DRICH1: variants seen among roughly 807,000 people sequenced by gnomAD.
DRICH1 encodes the protein aspartate rich 1.
Under a neutral mutation model 39.5 loss-of-function variants are expected in DRICH1, and 38 were observed. That is an observed-to-expected ratio of 0.96 (90% CI 0.74 to 1.26). The LOEUF (loss-of-function observed/expected upper bound fraction) is 1.26, where lower values mean the gene tolerates loss of function less well. Ranked by LOEUF, DRICH1 falls within the 50% of genes most tolerant of loss-of-function variation. The pLI is 0.00. For missense variants in DRICH1, 279 were observed against 270.4 expected (o/e 1.03, Z -0.22); for synonymous variants, 84 against 99.5 (o/e 0.84, Z 0.93).
At chr22:23,631,415 A>AAAATAAATAAAT (rs144088461) in intron 1 of DRICH1, among the ~76,000 whole-genome samples, 2 of 149,022 alleles carry the variant, frequency 1.3e-5, no homozygotes, top group Admixed American at 6.7e-5. Context: ...GACTCCATCT[A>AAAATAAATAAAT]AAATAAATAA....
chr22:23,613,556 A>G, intron 10 of DRICH1, 83 bp downstream of exon 10: 1 of 1,131,702 alleles, frequency 8.8e-7, no homozygotes, highest in Non-Finnish European at 1.3e-6. Context: ...CCTCTTTCCC[A>G]GCAGGACCCC....
chr22:23,626,112 C>A, intron 1 of DRICH1, 64 bp from the exon 2 acceptor site: 2 of 1,159,072 alleles, frequency 1.7e-6, no homozygotes, highest in African/African-American at 3.0e-5. Flanking sequence ...CCTCAGGGAG[C>A]TTTGCTGGAT....
intron 1 of DRICH1, among the ~76,000 whole-genome samples, chr22:23,629,454 G>A (rs1360027574): frequency 6.6e-6 from 1 of 152,312 alleles, no homozygotes; most frequent in East Asian, 1.9e-4. Context: ...ATGGGGATCA[G>A]TACATGGGGA....
At chr22:23,627,565 A>G (rs1416315765) in intron 1 of DRICH1, among the ~76,000 whole-genome samples, 3 of 152,040 alleles carry the variant, frequency 2.0e-5, no homozygotes, top group African/African-American at 4.8e-5. Context: ...GGGCATCTAC[A>G]CAAGGGCCAG....
the DRICH1 span, among the ~76,000 whole-genome samples, chr22:23,596,078 A>T: frequency 6.6e-6 from 1 of 152,196 alleles, no homozygotes; most frequent in Non-Finnish European, 1.5e-5. Flanking sequence ...TCCCTTCATT[A>T]TCACATTACG....
intron 3 of DRICH1, 72 bp from the exon 4 acceptor site, chr22:23,622,248 G>C: frequency 7.3e-7 from 1 of 1,374,046 alleles, no homozygotes; most frequent in Non-Finnish European, 1.0e-6. Context: ...AGCTTTGCTG[G>C]ATGTGGTGTA....
chr22:23,600,975 A>G, the DRICH1 span, among the ~76,000 whole-genome samples: 1 of 152,130 alleles, frequency 6.6e-6, no homozygotes. Context: ...CCTGGCCGGC[A>G]ATTTCTAATA....
At chr22:23,585,762 C>T in the DRICH1 span, among the ~76,000 whole-genome samples, 1 of 152,182 alleles carries the variant, frequency 6.6e-6, no homozygotes, top group South Asian at 2.1e-4. Flanking sequence ...TCAAATGATC[C>T]TCTCGCTTTG....
chr22:23,598,245 G>A, the DRICH1 span, among the ~76,000 whole-genome samples: 2 of 150,700 alleles, frequency 1.3e-5, no homozygotes, highest in East Asian at 1.9e-4. Context: ...TGACCAGAGT[G>A]AAGGCTGGGC....
chr22:23,629,944 G>A (rs1170607835), intron 1 of DRICH1, among the ~76,000 whole-genome samples: 3 of 152,102 alleles, frequency 2.0e-5, no homozygotes, highest in African/African-American at 7.2e-5. Flanking sequence ...TAAGGCTTGA[G>A]GTACTCATGT....
At chr22:23,589,116 AC>A in the DRICH1 span, among the ~76,000 whole-genome samples, 16 of 151,056 alleles carry the variant, frequency 1.1e-4, no homozygotes, top group South Asian at 3.3e-3. Flanking sequence ...ACACACACAC[AC>A]ACACACACAC....
chr22:23,619,315 A>G (rs374819042), intron 6 of DRICH1, 49 bp downstream of exon 6: 24 of 778,802 alleles, frequency 3.1e-5, no homozygotes, highest in Non-Finnish European at 5.8e-5. Flanking sequence ...GGATAGGAAG[A>G]CTCAGCATGA....
chr22:23,624,263 C>T, intron 3 of DRICH1: 2 of 985,384 alleles, frequency 2.0e-6, no homozygotes, highest in South Asian at 4.7e-5. Flanking sequence ...TCCCAAACCA[C>T]AGGCTCTGAG....
chr22:23,604,743 G>A (rs115740949), downstream of DRICH1, among the ~76,000 whole-genome samples: 3,486 of 152,298 alleles, frequency 0.023, 140 homozygotes, highest in African/African-American at 0.078. Flanking sequence ...GGGAAACTGA[G>A]GCTGCAGAGG....
At chr22:23,614,261 C>CT (rs750705049) in intron 8 of DRICH1, 47 bp from the exon 9 acceptor site, 3 of 1,383,686 alleles carry the variant, frequency 2.2e-6, no homozygotes, top group Non-Finnish European at 3.1e-6. Flanking sequence ...GTTGGTGACT[C>CT]TGAGTCACTC....
chr22:23,610,096 A>T, intron 11 of DRICH1, among the ~76,000 whole-genome samples: 1 of 151,920 alleles, frequency 6.6e-6, no homozygotes, highest in Non-Finnish European at 1.5e-5. Flanking sequence ...TCTCCTCCCC[A>T]GCACCACACC....
At chr22:23,595,463 A>G in the DRICH1 span, among the ~76,000 whole-genome samples, 1 of 151,848 alleles carries the variant, frequency 6.6e-6, no homozygotes, top group Non-Finnish European at 1.5e-5. Context: ...CAGGTCACTC[A>G]GAGTCACCCG....
intron 1 of DRICH1, among the ~76,000 whole-genome samples, 174 bp from the exon 2 acceptor site, chr22:23,626,222 T>A (rs1928056226): frequency 6.6e-6 from 1 of 152,192 alleles, no homozygotes; most frequent in Non-Finnish European, 1.5e-5. Context: ...ATACCTTGCA[T>A]CTTAGCCAGT....
chr22:23,628,558 A>G (rs1371670880), intron 1 of DRICH1, among the ~76,000 whole-genome samples: 1 of 152,196 alleles, frequency 6.6e-6, no homozygotes, highest in Non-Finnish European at 1.5e-5. Context: ...CAACAGAGTG[A>G]GACTCCACCT....
Sources: gnomAD v4.1 joint callset for allele counts (sites outside exome capture counted in the v4.1 genomes callset) on GRCh38, gnomAD v4.1.1 for gene constraint, MANE v1.5 for transcripts, NCBI Gene and HGNC (gene_info 2026-07-23, HGNC 2026-07-21) for gene names.